Variants in MCF2L observed in about 807,000 individuals in gnomAD.
The protein encoded by MCF2L is MCF.2 cell line derived transforming sequence like.
A neutral mutation model predicts 153.4 loss-of-function variants in MCF2L; 97 were observed. The observed-to-expected ratio is 0.63, with a 90% CI of 0.54 to 0.75. The LOEUF (loss-of-function observed/expected upper bound fraction) is 0.75. Ranked by LOEUF, MCF2L falls within the 30% of genes least tolerant of loss-of-function variation. The pLI is 0.00. For missense variants in MCF2L, 1,347 were observed against 1,495.2 expected (o/e 0.90, Z 1.64); for synonymous variants, 659 against 632.2 (o/e 1.04, Z -0.64).
intron 1 of MCF2L, among the ~76,000 whole-genome samples, chr13:112,996,210 C>T (rs2083124293): frequency 6.6e-6 from 1 of 152,130 alleles, no homozygotes; most frequent in Non-Finnish European, 1.5e-5. Flanking sequence ...CACCTGTAAC[C>T]CCAGGAGACT....
rs2081179908 is a variant in MCF2L at position 112,907,042 on chromosome 13, A to G, written c.169+4671A>G. Among the ~76,000 whole-genome samples, 1 of 152,140 alleles carries G rather than the reference A, an allele frequency of 6.6e-6. No individual in the cohort carries two copies. On this transcript the variant is annotated intron_variant, in intron 2 of 29. Transcript: ENST00000375608. The surrounding 1 kb of genome is among the most constrained non-coding windows in gnomAD (Gnocchi z 5.1). ...TTGCCGCCTTGGGTGGAGTCGCGAC[A>G]TTGCTGTTTCTATGTCAGAAGCCTT...
At chr13:113,010,930 T>C (rs962961314) in intron 1 of MCF2L, among the ~76,000 whole-genome samples, 1 of 152,214 alleles carries the variant, frequency 6.6e-6, no homozygotes, top group Non-Finnish European at 1.5e-5. Flanking sequence ...CTATTGTTCC[T>C]CCGTGCGCTT....
intron 2 of MCF2L, among the ~76,000 whole-genome samples, chr13:112,918,816 A>AGTC (rs1194033010): frequency 2.0e-5 from 3 of 152,176 alleles, no homozygotes; most frequent in Non-Finnish European, 4.4e-5. Flanking sequence ...GACCTGACTG[A>AGTC]AGCATCGGCC....
At chr13:112,979,818 C>G in intron 1 of MCF2L, 1 of 1,490,522 alleles carries the variant, frequency 6.7e-7, no homozygotes. Context: ...CTGCAGGTGT[C>G]CTCTCTGCGG....
At position 113,070,078 on chromosome 13, in the gene MCF2L, G is replaced by A. The variant is rs561285154; in HGVS notation, c.901G>A (p.Glu301Lys). Reference sequence around the variant, plus strand: ...TCCCAGGCTCCTGGCCCAGCTGAACGAAACCGAGGCTGCCTTCGATGAGTT... The same window carrying A: ...TCCCAGGCTCCTGGCCCAGCTGAACAAAACCGAGGCTGCCTTCGATGAGTT... ...TVQRLLAQLN[E>K]TEAAFDEFWA... is the part of the protein sequence containing the mutation. Residue 301 changes from glutamate to lysine, a missense_variant, in exon 9 of 30, where the codon GAA becomes AAA. This residue lies in a region of MCF2L where 820 missense variants were observed against 921.2 expected (regional missense o/e 0.89). Transcript: ENST00000535094. This position sits in a 1 kb window ranked among gnomAD's most constrained non-coding sequence, Gnocchi z 5.6. The A allele has an allele frequency of 1.4e-5, 23 of 1,609,486 alleles. No homozygotes were observed. The highest frequency in any genetic ancestry group is 2.7e-5 in the African/African-American group (2 of 74,642).
At chr13:113,034,688 C>T (rs1382343797) in intron 3 of MCF2L, among the ~76,000 whole-genome samples, 1 of 152,086 alleles carries the variant, frequency 6.6e-6, no homozygotes, top group Non-Finnish European at 1.5e-5. Flanking sequence ...CTCACCCTCA[C>T]CCTGGTCTCA....
Position 113,031,010 on chromosome 13 carries a change from CAA to C in MCF2L, c.278+6253_278+6254del, listed in dbSNP as rs1283485207. Among the ~76,000 whole-genome samples, 6 of 151,942 alleles carry C rather than the reference CAA, an allele frequency of 3.9e-5. No homozygotes were observed. Among genetic ancestry groups the C allele is most frequent in the Admixed American group, 6.6e-5 (1 of 15,260 alleles). ...ACAGGGCAGCAGGGCTGTGGGAAAACAATGTGAGAAAGAAAGAGAGACAGAGA... is the reference window on the plus strand; with the variant it reads ...ACAGGGCAGCAGGGCTGTGGGAAAACTGTGAGAAAGAAAGAGAGACAGAGA... On this transcript the variant is annotated intron_variant, in intron 3 of 29. Coordinates refer to ENST00000535094, the MANE Select transcript of MCF2L (RefSeq NM_001112732.3). The surrounding 1 kb of genome is among the most constrained non-coding windows in gnomAD (Gnocchi z 5.5).
At chr13:112,991,790 G>A (rs141828026) in intron 1 of MCF2L, among the ~76,000 whole-genome samples, 127 of 152,294 alleles carry the variant, frequency 8.3e-4, no homozygotes, top group African/African-American at 3.0e-3. Context: ...TTAAGTTACC[G>A]GAAGTCATGT....
intron 20 of MCF2L, 124 bp from the exon 21 acceptor site, chr13:113,086,000 C>A: frequency 1.9e-6 from 2 of 1,051,876 alleles, no homozygotes; most frequent in Non-Finnish European, 2.6e-6. Flanking sequence ...GGCAGGGCAG[C>A]TCCCCACAGA....
intron 3 of MCF2L, among the ~76,000 whole-genome samples, chr13:113,041,686 G>A (rs2086501305): frequency 6.6e-6 from 1 of 152,218 alleles, no homozygotes; most frequent in Admixed American, 6.5e-5. Context: ...TTCTGAGTCA[G>A]TGTTCCCGAA....
intron 18 of MCF2L, among the ~76,000 whole-genome samples, chr13:113,084,343 C>CCCCAGAACCTCCTGAAT (rs2034438199): frequency 6.6e-6 from 1 of 151,210 alleles, no homozygotes; most frequent in Non-Finnish European, 1.5e-5. Context: ...ACCTCCTGAA[C>CCCCAGAACCTCCTGAAT]CCCAGAACCT....
intron 2 of MCF2L, among the ~76,000 whole-genome samples, chr13:112,926,676 C>G (rs1354058558): frequency 6.6e-6 from 1 of 152,070 alleles, no homozygotes; most frequent in Non-Finnish European, 1.5e-5. Flanking sequence ...TATATGAACC[C>G]AAAGGACATT....
chr13:112,915,410 C>CAAAAAAAAAAAAAAAAAAAAAAA (rs779274453), intron 2 of MCF2L, among the ~76,000 whole-genome samples: 1,037 of 86,736 alleles, frequency 0.012, 136 homozygotes, highest in Middle Eastern at 0.02. Flanking sequence ...CTCTGTCTCA[C>CAAAAAAAAAAAAAAAAAAAAAAA]AAAAAAAAAA....
chr13:113,070,368 G>A lies in MCF2L; in HGVS notation c.996+195G>A, dbSNP rs2032778276. 2.3e-6 allele frequency: 1 copy of A among 441,498 alleles called. No individual in the cohort carries two copies. Among genetic ancestry groups the A allele is most frequent in the Admixed American group, 4.6e-5 (1 of 21,826 alleles). The allele number at this position is 441,498 out of a possible 1,614,324, so 27.3% of individuals were successfully genotyped here. On this transcript the variant is annotated intron_variant, in intron 9 of 29. Transcript: ENST00000535094. This position sits in a 1 kb window ranked among gnomAD's most constrained non-coding sequence, Gnocchi z 5.6. Reference sequence around the variant, plus strand: ...GCCTTGAAATGCACGATTGATGACTGCGTCATTGTATAGAAAGGTGATTGA... The same window carrying A: ...GCCTTGAAATGCACGATTGATGACTACGTCATTGTATAGAAAGGTGATTGA...
At chr13:112,972,811 TG>T (rs2082093720) in intron 1 of MCF2L, among the ~76,000 whole-genome samples, 1 of 670 alleles carries the variant, frequency 1.5e-3, no homozygotes. Flanking sequence ...AGTGGAGGAG[TG>T]GATGGATGGA....
At chr13:112,918,044 G>A (rs1435339110) in intron 2 of MCF2L, among the ~76,000 whole-genome samples, 2 of 152,236 alleles carry the variant, frequency 1.3e-5, no homozygotes, top group Non-Finnish European at 2.9e-5. Context: ...TCTAACCAGT[G>A]GCATAATTAT....
In MCF2L at chr13:112,937,189, G is replaced by A. The variant is rs2081523868; in HGVS notation, c.169+34818G>A. Among the ~76,000 whole-genome samples the A allele has an allele frequency of 2.6e-5, 4 of 152,216 alleles. No homozygotes were observed. In the South Asian group the frequency reaches 6.2e-4, roughly 24 times the overall value. On this transcript the variant is annotated intron_variant, in intron 2 of 29. Coordinates refer to the MCF2L transcript ENST00000375608. ...CTGCCTCAGCCTCCCGAGTAGCTGCGATTATAGGCACCTGCCACCACGCCC... is the reference window on the plus strand; with the variant it reads ...CTGCCTCAGCCTCCCGAGTAGCTGCAATTATAGGCACCTGCCACCACGCCC...
chr13:112,947,521 C>T (rs1243291141), intron 2 of MCF2L, among the ~76,000 whole-genome samples: 2 of 152,244 alleles, frequency 1.3e-5, no homozygotes, highest in African/African-American at 4.8e-5. Context: ...AGGCATAGGA[C>T]AGACATTTCC....
In MCF2L at chr13:113,075,077, T is replaced by C. The variant is rs2033319485; in HGVS notation, c.1196T>C (p.Ile399Thr). ...IGNKHYAVDS[I>T]RPKCQELRHL... Reference sequence around the variant, plus strand: ...AACAAGCACTACGCGGTAGACTCCATCCGCCCAAAGTGCCAGGAGCTCCGG... The same window carrying C: ...AACAAGCACTACGCGGTAGACTCCACCCGCCCAAAGTGCCAGGAGCTCCGG... Residue 399 changes from isoleucine to threonine, a missense_variant, in exon 11 of 30, where the codon ATC becomes ACC. Physicochemically the swap from Ile to Thr is moderately conservative, Grantham distance 89. This residue lies in a region of MCF2L where 820 missense variants were observed against 921.2 expected (regional missense o/e 0.89). Coordinates refer to ENST00000535094, the MANE Select transcript of MCF2L (RefSeq NM_001112732.3). The C allele has an allele frequency of 3.1e-6, 5 of 1,613,796 alleles. No individual in the cohort carries two copies. The highest frequency in any genetic ancestry group is 4.2e-6 in the Non-Finnish European group (5 of 1,180,002).
Sources: gnomAD v4.1 joint callset for allele counts (sites outside exome capture counted in the v4.1 genomes callset) on GRCh38, gnomAD v4.1.1 for gene constraint, gnomAD v4.1.1 regional missense constraint, Gnocchi (gnomAD v3.1) non-coding constraint, MANE v1.5 for transcripts, NCBI Gene and HGNC (gene_info 2026-07-23, HGNC 2026-07-21) for gene names.